MEIKIN: variants seen among roughly 807,000 people sequenced by gnomAD.
The protein encoded by MEIKIN is meiotic kinetochore factor.
At chr5:131,944,915 G>A (rs1580606917) in intron 2 of MEIKIN, 163 bp from the exon 3 acceptor site, 1 of 397,966 alleles carries the variant, frequency 2.5e-6, no homozygotes, top group East Asian at 3.6e-5. Flanking sequence ...TGACACAATC[G>A]TATAGCTCAC....
At chr5:131,824,565 A>C (rs907892581) in intron 11 of MEIKIN, among the ~76,000 whole-genome samples, 1 of 152,190 alleles carries the variant, frequency 6.6e-6, no homozygotes, top group African/African-American at 2.4e-5. Context: ...CCAGGAATGG[A>C]AAGAAGATTT....
intron 8 of MEIKIN, among the ~76,000 whole-genome samples, chr5:131,908,014 T>G (rs1751271496): frequency 6.6e-6 from 1 of 152,068 alleles, no homozygotes; most frequent in Non-Finnish European, 1.5e-5. Flanking sequence ...TTTAAAGAAG[T>G]ACTAATACCA....
At chr5:131,829,285 T>C (rs1333365752) in intron 11 of MEIKIN, among the ~76,000 whole-genome samples, 1 of 152,202 alleles carries the variant, frequency 6.6e-6, no homozygotes, top group Non-Finnish European at 1.5e-5. Context: ...TTTTCAGTCA[T>C]GAAAAGTCTC....
intron 9 of MEIKIN, among the ~76,000 whole-genome samples, chr5:131,857,457 G>A (rs1186961102): frequency 1.3e-5 from 2 of 152,208 alleles, no homozygotes; most frequent in East Asian, 3.9e-4. Flanking sequence ...CCTGGACAGA[G>A]TAGGGCAGTC....
chr5:131,863,578 T>C (rs76157134), intron 9 of MEIKIN, among the ~76,000 whole-genome samples: 1 of 149,056 alleles, frequency 6.7e-6, no homozygotes, highest in Non-Finnish European at 1.5e-5. Flanking sequence ...TTTTTTTTTT[T>C]TTTTTACTGT....
chr5:131,837,734 T>G (rs1015978400), intron 11 of MEIKIN, among the ~76,000 whole-genome samples: 15 of 152,168 alleles, frequency 9.9e-5, no homozygotes, highest in Non-Finnish European at 2.2e-4. Context: ...CTGAAGTTGT[T>G]TATTAGCTTA....
At chr5:131,865,402 G>T (rs974518109) in intron 9 of MEIKIN, among the ~76,000 whole-genome samples, 1 of 152,080 alleles carries the variant, frequency 6.6e-6, no homozygotes, top group African/African-American at 2.4e-5. Flanking sequence ...TGTATTTTTA[G>T]TAGAGACAGG....
At chr5:131,854,334 T>G (rs1032251673) in intron 10 of MEIKIN, among the ~76,000 whole-genome samples, 9 of 151,780 alleles carry the variant, frequency 5.9e-5, no homozygotes, top group African/African-American at 1.7e-4. Flanking sequence ...AGGGGTGGGG[T>G]AGGGAGGAGC....
intron 11 of MEIKIN, among the ~76,000 whole-genome samples, chr5:131,842,438 T>C (rs1749931836): frequency 6.6e-6 from 1 of 152,214 alleles, no homozygotes; most frequent in African/African-American, 2.4e-5. Flanking sequence ...TGTGGGCTTA[T>C]CATTAATGGC....
chr5:131,868,083 C>T (rs568201864), intron 9 of MEIKIN, among the ~76,000 whole-genome samples: 34 of 152,202 alleles, frequency 2.2e-4, no homozygotes, highest in East Asian at 1.4e-3. Flanking sequence ...AATAATAACT[C>T]GCTGTTGCTG....
chr5:131,881,769 G>T (rs1441355541), intron 8 of MEIKIN, among the ~76,000 whole-genome samples: 2 of 152,072 alleles, frequency 1.3e-5, no homozygotes. Context: ...CAGCACCTGG[G>T]AAGTTTTCTA....
At chr5:131,872,087 G>C (rs1375450777) in intron 9 of MEIKIN, among the ~76,000 whole-genome samples, 2 of 152,198 alleles carry the variant, frequency 1.3e-5, no homozygotes, top group African/African-American at 2.4e-5. Context: ...AAAAATCAGA[G>C]CACCTCTCCT....
At chr5:131,894,486 G>A (rs1561747737) in intron 8 of MEIKIN, among the ~76,000 whole-genome samples, 1 of 152,096 alleles carries the variant, frequency 6.6e-6, no homozygotes, top group Non-Finnish European at 1.5e-5. Flanking sequence ...AAATTACCTT[G>A]GGCAGTATGG....
chr5:131,816,690 T>C (rs1317837431), intron 12 of MEIKIN, among the ~76,000 whole-genome samples: 1 of 152,218 alleles, frequency 6.6e-6, no homozygotes, highest in Non-Finnish European at 1.5e-5. Flanking sequence ...GGCTTTTTCT[T>C]TTGTAGGATC....
chr5:131,891,164 G>T (rs530406839), intron 8 of MEIKIN, among the ~76,000 whole-genome samples: 1 of 152,286 alleles, frequency 6.6e-6, no homozygotes, highest in East Asian at 1.9e-4. Flanking sequence ...GAATAGGTGT[G>T]GTGTGGTGCT....
At chr5:131,907,669 C>T (rs778893030) in intron 8 of MEIKIN, among the ~76,000 whole-genome samples, 5 of 151,068 alleles carry the variant, frequency 3.3e-5, no homozygotes, top group South Asian at 4.2e-4. Flanking sequence ...GTCAGGAGTT[C>T]GAGACCAGCC....
At chr5:131,817,043 C>A (rs1773115421) in intron 12 of MEIKIN, among the ~76,000 whole-genome samples, 1 of 152,172 alleles carries the variant, frequency 6.6e-6, no homozygotes. Flanking sequence ...CAGGCACCAT[C>A]CAACTGGTTG....
chr5:131,921,678 T>C, intron 6 of MEIKIN, 144 bp downstream of exon 6: 1 of 380,340 alleles, frequency 2.6e-6, no homozygotes, highest in Non-Finnish European at 4.7e-6. Context: ...AAAAGTAAAC[T>C]CATACATACT....
At chr5:131,874,904 T>A (rs1346617653) in intron 9 of MEIKIN, among the ~76,000 whole-genome samples, 1 of 152,186 alleles carries the variant, frequency 6.6e-6, no homozygotes. Flanking sequence ...CACATGATTA[T>A]CTCAAAGATG....
Sources: gnomAD v4.1 joint callset for allele counts (sites outside exome capture counted in the v4.1 genomes callset) on GRCh38, gnomAD v4.1.1 for gene constraint, MANE v1.5 for transcripts, NCBI Gene and HGNC (gene_info 2026-07-23, HGNC 2026-07-21) for gene names.